The following CCDC127 variants were observed in gnomAD, a reference collection of about 807,000 sequenced individuals.
The protein encoded by CCDC127 is coiled-coil domain containing 127.
CCDC127 carries 2 observed loss-of-function variants against 4.1 expected under a neutral mutation model. The ratio of observed to expected loss-of-function variants is 0.49; its 90% confidence interval spans 0.20 to 1.53. The LOEUF is 1.53. Ranked by LOEUF, CCDC127 falls within the 40% of genes most tolerant of loss-of-function variation. CCDC127 has a pLI of 0.23. For missense variants in CCDC127, 271 were observed against 322.9 expected (o/e 0.84, Z 1.23); for synonymous variants, 98 against 120.4 (o/e 0.81, Z 1.22).
chr5:206,071 C>T (rs1169678089), intron 2 of CCDC127, 113 bp from the exon 3 acceptor site: 3 of 919,060 alleles, frequency 3.3e-6, no homozygotes, highest in Non-Finnish European at 4.9e-6. Context: ...AGCTTAAGAC[C>T]TCGGCTGTAC....
rs370948312 is a variant in CCDC127 at position 205,541 on chromosome 5, C to T, written c.539G>A (p.Arg180His). 3.6e-4 allele frequency: 589 copies of T among 1,614,028 alleles called. 6 individuals are homozygous for T. The South Asian group carries it at 5.6e-3, about 15-fold the overall frequency. Reference protein sequence around the residue: ...QNIYCSLFLPRSKRLEIEKSL... With the variant: ...QNIYCSLFLPHSKRLEIEKSL... ...CTTCTCTATCTCCAGCCGCTTGCTG[C>T]GAGGAAGAAACAGACTGCAGTAGAT... The change falls in exon 3 of 3, where the codon CGC (arginine) becomes CAC (histidine). Residue 180 changes from arginine (R) to histidine (H), a missense_variant. By Grantham distance (29) the Arg-to-His change is conservative. Coordinates refer to ENST00000296824, the MANE Select transcript of CCDC127 (RefSeq NM_145265.3).
chr5:204,422 G>A lies in CCDC127; in HGVS notation c.*875C>T, dbSNP rs1297219783. 1 of 152,236 alleles carries A rather than the reference G, an allele frequency of 6.6e-6. No homozygotes were observed. The highest frequency in any genetic ancestry group is 2.4e-5 in the African/African-American group (1 of 41,458). The allele number at this position is 152,236 out of a possible 1,614,324, so 9.4% of individuals were successfully genotyped here. A position where few individuals can be genotyped will look rare whatever the true frequency, so the allele number is the denominator to read the frequency against. ...CCAGTAGCTATGTGTGACATGGGGTGATAAGTGCCTGTCTACCTTGTTGGC... is the reference window on the plus strand; with the variant it reads ...CCAGTAGCTATGTGTGACATGGGGTAATAAGTGCCTGTCTACCTTGTTGGC... On this transcript the variant is annotated 3_prime_UTR_variant, in exon 3 of 3. Coordinates refer to ENST00000296824, the MANE Select transcript of CCDC127 (RefSeq NM_145265.3).
In CCDC127 at chr5:199,475, A is replaced by G. The variant is rs1271794322; in HGVS notation, c.*5822T>C. On this transcript the variant is annotated 3_prime_UTR_variant, in exon 3 of 3. Coordinates refer to ENST00000296824, the MANE Select transcript of CCDC127 (RefSeq NM_145265.3). ...ATCTGCTGCATGCTGGAGTCCCACT[A>G]TCCATCAGCCCCACACGGCCCCATG... The G allele has an allele frequency of 6.6e-6, 1 of 152,304 alleles. No individual in the cohort carries two copies. Among genetic ancestry groups the G allele is most frequent in the African/African-American group, 2.4e-5 (1 of 41,290 alleles). The allele number at this position is 152,304 out of a possible 1,614,324, so 9.4% of individuals were successfully genotyped here.
chr5:213,667 C>G (rs1035795462), intron 2 of CCDC127, among the ~76,000 whole-genome samples: 1 of 152,150 alleles, frequency 6.6e-6, no homozygotes, highest in South Asian at 2.1e-4. Flanking sequence ...ACACACCCAT[C>G]AGGATGGGGC....
chr5:210,709 C>T (rs1734269003), intron 2 of CCDC127, among the ~76,000 whole-genome samples: 1 of 143,610 alleles, frequency 7.0e-6, no homozygotes, highest in Admixed American at 6.9e-5. Flanking sequence ...CAGCACCACA[C>T]ACCCATCAGG....
chr5:197,100 T>G lies in CCDC127; in HGVS notation c.*8197A>C, dbSNP rs1430991392. ...AAGGTACTATGCCTGGACGTGCACG[T>G]AGGCCAGATTTATGTTTCTCTCCAC... On this transcript the variant is annotated 3_prime_UTR_variant, in exon 3 of 3. Coordinates refer to ENST00000296824, the MANE Select transcript of CCDC127 (RefSeq NM_145265.3). 2.6e-5 allele frequency: 4 copies of G among 152,196 alleles called. No individual in the cohort carries two copies. Among genetic ancestry groups the G allele is most frequent in the Non-Finnish European group, 4.4e-5 (3 of 68,002 alleles). 9.4% of individuals were successfully genotyped at this position (152,196 alleles called of 1,614,324 possible). A position where few individuals can be genotyped will look rare whatever the true frequency, so the allele number is the denominator to read the frequency against.
In CCDC127 at chr5:197,870, G is replaced by A. The variant is rs1733997814; in HGVS notation, c.*7427C>T. 2 of 34,292 alleles carry A rather than the reference G, an allele frequency of 5.8e-5. No individual in the cohort carries two copies. Among genetic ancestry groups the A allele is most frequent in the African/African-American group, 1.0e-4 (1 of 9,666 alleles). 2.1% of individuals were successfully genotyped at this position (34,292 alleles called of 1,614,324 possible). On this transcript the variant is annotated 3_prime_UTR_variant, in exon 3 of 3. Coordinates refer to ENST00000296824, the MANE Select transcript of CCDC127 (RefSeq NM_145265.3). ...CTCCCCGAGTGTGTCCCCACCCCAG[G>A]GGCCCCCATGTCACCCCACTCCAGG...
At position 198,644 on chromosome 5, in the gene CCDC127, T is replaced by A. The variant is rs1579354301; in HGVS notation, c.*6653A>T. Reference sequence around the variant, plus strand: ...CCAGCAGAGGCTGGGGACCAACGCCTCCCTCGCCCGTCCTGTGCAGGTCTC... The same window carrying A: ...CCAGCAGAGGCTGGGGACCAACGCCACCCTCGCCCGTCCTGTGCAGGTCTC... On this transcript the variant is annotated 3_prime_UTR_variant, in exon 3 of 3. Coordinates refer to ENST00000296824, the MANE Select transcript of CCDC127 (RefSeq NM_145265.3). 1 of 152,454 alleles carries A rather than the reference T, an allele frequency of 6.6e-6. No homozygotes were observed. Among genetic ancestry groups the A allele is most frequent in the East Asian group, 1.9e-4 (1 of 5,174 alleles). The allele number at this position is 152,454 out of a possible 1,614,324, so 9.4% of individuals were successfully genotyped here.
In CCDC127 at chr5:204,755, C is replaced by T. The variant is rs997767239; in HGVS notation, c.*542G>A. ...ACACACATTAAGTAACAACTGGATA[C>T]AAGAAACACTTGGTATTTCCCCTTT... is the stretch of plus-strand genomic sequence containing the variant. On this transcript the variant is annotated 3_prime_UTR_variant, in exon 3 of 3. Coordinates refer to ENST00000296824, the MANE Select transcript of CCDC127 (RefSeq NM_145265.3). 3 of 152,316 alleles carry T rather than the reference C, an allele frequency of 2.0e-5. No individual in the cohort carries two copies. The highest frequency in any genetic ancestry group is 7.2e-5 in the African/African-American group (3 of 41,436). The allele number at this position is 152,316 out of a possible 1,614,324, so 9.4% of individuals were successfully genotyped here. A position where few individuals can be genotyped will look rare whatever the true frequency, so the allele number is the denominator to read the frequency against.
At chr5:207,637 G>C (rs926381825) in intron 2 of CCDC127, among the ~76,000 whole-genome samples, 2 of 152,206 alleles carry the variant, frequency 1.3e-5, no homozygotes, top group Non-Finnish European at 2.9e-5. Flanking sequence ...TTATGTCAAG[G>C]ACAAGCTGGA....
chr5:213,444 G>A (rs1219909682), intron 2 of CCDC127, among the ~76,000 whole-genome samples: 1 of 108,368 alleles, frequency 9.2e-6, no homozygotes, highest in Non-Finnish European at 1.8e-5. Context: ...ACTGATGCTT[G>A]ACATCGCACA....
chr5:211,178 G>A (rs1348604529), intron 2 of CCDC127, among the ~76,000 whole-genome samples: 16 of 104,024 alleles, frequency 1.5e-4, no homozygotes, highest in Admixed American at 5.7e-4. Context: ...TGGGGCAGAC[G>A]GGACAGCAGT....
Position 205,688 on chromosome 5 carries a change from T to C in CCDC127, c.392A>G (p.Lys131Arg). 1 of 1,614,148 alleles carries C rather than the reference T, an allele frequency of 6.2e-7. No individual in the cohort carries two copies. Reference sequence around the variant, plus strand: ...ACTTCTCAAAGGCTGCACCTGTCTTTTTTCTTGCATCACCTGGGCCCGTTC... The same window carrying C: ...ACTTCTCAAAGGCTGCACCTGTCTTCTTTCTTGCATCACCTGGGCCCGTTC... ...EQERAQVMQE[K>R]RQVQPLRSAY... Residue 131 changes from lysine (K) to arginine (R), a missense_variant, in exon 3 of 3, where the codon AAA (lysine) becomes AGA (arginine). Coordinates refer to ENST00000296824, the MANE Select transcript of CCDC127 (RefSeq NM_145265.3).
At chr5:215,547 T>A (rs1191479037) in intron 2 of CCDC127, 1 of 151,976 alleles carries the variant, frequency 6.6e-6, no homozygotes, top group East Asian at 1.9e-4. Context: ...GTGTTAAGGG[T>A]TTTTTTTCCC....
At position 207,475 on chromosome 5, in the gene CCDC127, C is replaced by T. The variant is rs556682352; in HGVS notation, c.122-1517G>A. ...CGTCTGGTTTTGGTGAAGTCAAGAA[C>T]GGCTTCCTAAAAAGGTGAATGAACA... On this transcript the variant is annotated intron_variant, in intron 2 of 2. Transcript: ENST00000296824. Among the ~76,000 whole-genome samples, 7 of 152,290 alleles carry T rather than the reference C, an allele frequency of 4.6e-5. No homozygotes were observed. The East Asian group carries it at 5.8e-4, about 13-fold the overall frequency.
At chr5:218,017 G>A (rs1018380107) in intron 1 of CCDC127, 76 bp downstream of exon 1, 1 of 901,874 alleles carries the variant, frequency 1.1e-6, no homozygotes, top group East Asian at 5.4e-5. Context: ...TTCGGTCTGG[G>A]CGATCCCGGA....
At chr5:206,342 C>T (rs1441103475) in intron 2 of CCDC127, among the ~76,000 whole-genome samples, 2 of 152,228 alleles carry the variant, frequency 1.3e-5, no homozygotes, top group Admixed American at 6.5e-5. Context: ...GACTAGTAAA[C>T]GGCCTGAGTT....
chr5:198,404 T>C lies in CCDC127; in HGVS notation c.*6893A>G, dbSNP rs1274384738. 1 of 152,318 alleles carries C rather than the reference T, an allele frequency of 6.6e-6. No individual in the cohort carries two copies. The highest frequency in any genetic ancestry group is 1.9e-4 in the East Asian group (1 of 5,200). The allele number at this position is 152,318 out of a possible 1,614,324, so 9.4% of individuals were successfully genotyped here. Reference sequence around the variant, plus strand: ...CCACTGCTTTGTGTCTGAATTTTTATTGTAAGACTCAGCCGCTGGGCGGCA... The same window carrying C: ...CCACTGCTTTGTGTCTGAATTTTTACTGTAAGACTCAGCCGCTGGGCGGCA... On this transcript the variant is annotated 3_prime_UTR_variant, in exon 3 of 3. Coordinates refer to ENST00000296824, the MANE Select transcript of CCDC127 (RefSeq NM_145265.3).
intron 2 of CCDC127, chr5:213,819 A>G (rs1467141207): frequency 3.9e-5 from 6 of 152,244 alleles, no homozygotes; most frequent in African/African-American, 1.4e-4. Context: ...CAACCTCCAT[A>G]AAACCCAGTA....
Sources: gnomAD v4.1 joint callset for allele counts (sites outside exome capture counted in the v4.1 genomes callset) on GRCh38, gnomAD v4.1.1 for gene constraint, MANE v1.5 for transcripts, NCBI Gene and HGNC (gene_info 2026-07-23, HGNC 2026-07-21) for gene names.